The following ACOT12 variants were observed in gnomAD, a reference collection of about 807,000 sequenced individuals.
The protein encoded by ACOT12 is acyl-CoA thioesterase 12.
Under a neutral mutation model 67.7 loss-of-function variants are expected in ACOT12, and 51 were observed. That is an observed-to-expected ratio of 0.75 (90% CI 0.60 to 0.95). The LOEUF is 0.95. Among genes scored for constraint, ACOT12 ranks in the 40% least tolerant of loss-of-function variants. The pLI is 0.00. For synonymous variants in ACOT12, 251 were observed against 244.6 expected (o/e 1.03, Z -0.24); for missense variants, 734 against 708.1 (o/e 1.04, Z -0.41).
chr5:81,380,895 T>C (rs1327660388), intron 2 of ACOT12, among the ~76,000 whole-genome samples: 3 of 152,122 alleles, frequency 2.0e-5, no homozygotes, highest in African/African-American at 4.8e-5. Context: ...CTAGATGGTA[T>C]AGCCTCCTAC....
At chr5:81,393,440 C>T (rs1760915766) in intron 1 of ACOT12, among the ~76,000 whole-genome samples, 1 of 152,048 alleles carries the variant, frequency 6.6e-6, no homozygotes, top group Non-Finnish European at 1.5e-5. Flanking sequence ...GCCTGTAATC[C>T]CAACACTTTG....
the ACOT12 span, among the ~76,000 whole-genome samples, chr5:81,319,610 G>A: frequency 6.6e-6 from 1 of 152,050 alleles, no homozygotes; most frequent in Non-Finnish European, 1.5e-5. Context: ...CCAGCTACTT[G>A]GGTGGCCGAG....
chr5:81,371,206 T>A (rs1228953730), intron 3 of ACOT12, among the ~76,000 whole-genome samples: 1 of 152,190 alleles, frequency 6.6e-6, no homozygotes, highest in Admixed American at 6.5e-5. Flanking sequence ...TATCCTTCTA[T>A]GTAGAAATAG....
chr5:81,354,722 G>A (rs1350748441), intron 5 of ACOT12, among the ~76,000 whole-genome samples: 1 of 140,738 alleles, frequency 7.1e-6, no homozygotes, highest in Non-Finnish European at 1.6e-5. Context: ...TTTTATTTTT[G>A]AGTCAGAATC....
intron 5 of ACOT12, among the ~76,000 whole-genome samples, chr5:81,350,410 C>T (rs941548400): frequency 6.6e-6 from 1 of 152,166 alleles, no homozygotes; most frequent in Admixed American, 6.5e-5. Flanking sequence ...TATTAAGCCT[C>T]TTCATCTTAC....
At chr5:81,367,462 G>A (rs1228891468) in intron 3 of ACOT12, among the ~76,000 whole-genome samples, 1 of 152,044 alleles carries the variant, frequency 6.6e-6, no homozygotes, top group Non-Finnish European at 1.5e-5. Flanking sequence ...CTGTTATAAG[G>A]TTATTACACT....
In ACOT12 at chr5:81,330,418, A is replaced by G. The variant is rs747635244; in HGVS notation, c.1644T>C (p.Asp548=). 1.9e-6 allele frequency: 3 copies of G among 1,613,432 alleles called. No individual in the cohort carries two copies. In the South Asian group the frequency reaches 3.3e-5, roughly 18 times the overall value. ...TTTAAAATGTGCTTACAAACCCATC[A>G]TCAGGAGGATTCTCTAAGAACTGTA... ...SCIQFLENPP[D]DGFVSTF The change falls in exon 15 of 15, where the codon GAT becomes GAC. Residue 548 remains aspartate, a synonymous_variant. Transcript: ENST00000307624.
chr5:81,329,259 A>G (rs913536363), downstream of ACOT12, among the ~76,000 whole-genome samples: 2 of 152,328 alleles, frequency 1.3e-5, no homozygotes, highest in African/African-American at 2.4e-5. Flanking sequence ...TAACTCCTTC[A>G]TTACTAATTT....
At chr5:81,332,347 A>T in intron 13 of ACOT12, 130 bp downstream of exon 13, 1 of 1,025,360 alleles carries the variant, frequency 9.8e-7, no homozygotes, top group Non-Finnish European at 1.4e-6. Context: ...AGATTCATCT[A>T]GGTATAATTC....
In ACOT12 at chr5:81,330,878, T is replaced by G. The variant is rs140336306; in HGVS notation, c.1454A>C (p.Tyr485Ser). The G allele has an allele frequency of 3.0e-5, 49 of 1,613,874 alleles. No individual in the cohort carries two copies. Among genetic ancestry groups the G allele is most frequent in the Non-Finnish European group, 4.1e-5 (48 of 1,179,926 alleles). ...ILPSVPPSPQ[Y>S]IRSEIICAGF... ...GGCACATATGATTTCACTTCTGATG[T>G]ACTGTGGAGACGGGGGGACCGATGG... Residue 485 changes from tyrosine to serine, a missense_variant, in exon 14 of 15, where the codon TAC becomes TCC. Transcript: ENST00000307624.
At chr5:81,326,250 G>A (rs758670867), downstream of ACOT12, among the ~76,000 whole-genome samples, 70 of 149,354 alleles carry the variant, frequency 4.7e-4, no homozygotes, top group Non-Finnish European at 8.1e-4. Flanking sequence ...TCAGCCTTGT[G>A]AGTAGCTGGG....
In ACOT12 at chr5:81,330,168, G is replaced by A; in HGVS notation, c.*226C>T. 1 of 437,532 alleles carries A rather than the reference G, an allele frequency of 2.3e-6. No homozygotes were observed. Among genetic ancestry groups the A allele is most frequent in the Non-Finnish European group, 4.0e-6 (1 of 249,450 alleles). The allele number at this position is 437,532 out of a possible 1,614,324, so 27.1% of individuals were successfully genotyped here. On this transcript the variant is annotated 3_prime_UTR_variant, in exon 15 of 15. Transcript: ENST00000307624. Reference sequence around the variant, plus strand: ...TTCCACTATCTGTGCCCCTGGAAGAGGCAGAGCCACAGATGACTTACAACA... The same window carrying A: ...TTCCACTATCTGTGCCCCTGGAAGAAGCAGAGCCACAGATGACTTACAACA...
At chr5:81,342,429 G>A (rs1477436289) in intron 11 of ACOT12, among the ~76,000 whole-genome samples, 4 of 152,194 alleles carry the variant, frequency 2.6e-5, no homozygotes, top group Non-Finnish European at 1.5e-5. Flanking sequence ...AGAAGAGAAG[G>A]AGGGAGAGAC....
In ACOT12 at chr5:81,332,554, G is replaced by A. The variant is rs1423999468; in HGVS notation, c.1314C>T (p.Ile438=). 1.9e-6 allele frequency: 3 copies of A among 1,614,010 alleles called. No homozygotes were observed. Among genetic ancestry groups the A allele is most frequent in the African/African-American group, 1.3e-5 (1 of 74,918 alleles). The part of the protein sequence containing the change: ...WVSEDDQLYH[I]TCPILNDDKP... The stretch of plus-strand genomic sequence containing the variant: ...TGTCATCATTCAGTATAGGACAGGT[G>A]ATGTGATACAGCTGATCATCTTCAC... The change falls in exon 13 of 15, where the codon ATC becomes ATT. Residue 438 remains isoleucine (I), a synonymous_variant. Transcript: ENST00000307624.
intron 11 of ACOT12, among the ~76,000 whole-genome samples, chr5:81,337,739 T>G (rs1332020143): frequency 6.6e-6 from 1 of 152,220 alleles, no homozygotes; most frequent in Non-Finnish European, 1.5e-5. Context: ...GGTCTCAGAC[T>G]ACCAGCTTCC....
chr5:81,316,406 A>G, the ACOT12 span, among the ~76,000 whole-genome samples: 2 of 152,274 alleles, frequency 1.3e-5, no homozygotes, highest in African/African-American at 2.4e-5. Context: ...ATCATGCAAT[A>G]TGTGGTTTTT....
At chr5:81,370,512 A>G (rs1412961670) in intron 3 of ACOT12, among the ~76,000 whole-genome samples, 5 of 152,212 alleles carry the variant, frequency 3.3e-5, no homozygotes, top group Non-Finnish European at 7.3e-5. Context: ...TATGACCGAT[A>G]TCTTTATAAA....
chr5:81,358,172 A>C (rs1759783430), intron 5 of ACOT12, among the ~76,000 whole-genome samples: 1 of 152,236 alleles, frequency 6.6e-6, no homozygotes, highest in African/African-American at 2.4e-5. Flanking sequence ...ACATAACTGC[A>C]GAAAGGAAGA....
chr5:81,368,278 C>G (rs1760143302), intron 3 of ACOT12, among the ~76,000 whole-genome samples: 1 of 151,944 alleles, frequency 6.6e-6, no homozygotes, highest in Non-Finnish European at 1.5e-5. Flanking sequence ...GGAGACAGTT[C>G]AAGACTCCAT....
Sources: allele counts gnomAD v4.1 joint callset (sites outside exome capture counted in the v4.1 genomes callset), GRCh38; gene constraint gnomAD v4.1.1; transcripts MANE v1.5; gene names NCBI Gene and HGNC (gene_info 2026-07-23, HGNC 2026-07-21).